Variants in ZNF532 observed in about 807,000 individuals in gnomAD.
ZNF532 encodes zinc finger protein 532.
A neutral mutation model predicts 89.3 loss-of-function variants in ZNF532; 22 were observed. That is an observed-to-expected ratio of 0.25 (90% CI 0.18 to 0.35). The LOEUF (loss-of-function observed/expected upper bound fraction) is 0.35, where lower values mean the gene tolerates loss of function less well. Ranked by LOEUF, ZNF532 falls within the 10% of genes least tolerant of loss-of-function variation. The probability of loss-of-function intolerance (pLI) is 1.00; values close to 1 mark genes in which losing one functional copy is unlikely to be tolerated. For missense variants in ZNF532, 1,132 were observed against 1,643.4 expected (o/e 0.69, Z 5.38); for synonymous variants, 606 against 649.6 (o/e 0.93, Z 1.02).
chr18:58,957,430 TATATAG>T (rs1237330710), intron 7 of ZNF532, among the ~76,000 whole-genome samples: 1 of 143,232 alleles, frequency 7.0e-6, no homozygotes, highest in Non-Finnish European at 1.5e-5. Context: ...TATATATATA[TATATAG>T]AAATAAAATA....
chr18:58,890,590 GC>G (rs2058822440), intron 2 of ZNF532, among the ~76,000 whole-genome samples: 1 of 141,608 alleles, frequency 7.1e-6, no homozygotes, highest in African/African-American at 2.5e-5. Flanking sequence ...ACTAACTGCC[GC>G]CCATTTTTTT....
At chr18:58,939,731 A>G (rs892882132) in intron 5 of ZNF532, 110 bp downstream of exon 5, 63 of 1,011,886 alleles carry the variant, frequency 6.2e-5, no homozygotes, top group Non-Finnish European at 8.8e-5. Context: ...AAAATTATGC[A>G]GCTATGCCAA....
chr18:58,933,956 T>G (rs1264703908), intron 3 of ZNF532, among the ~76,000 whole-genome samples: 2 of 152,248 alleles, frequency 1.3e-5, no homozygotes, highest in Admixed American at 6.5e-5. Flanking sequence ...TTTGCACTCC[T>G]GTATTTCAGA....
At chr18:58,886,279 T>C (rs62095472) in intron 2 of ZNF532, among the ~76,000 whole-genome samples, 35,613 of 152,132 alleles carry the variant, frequency 0.23, 4,603 homozygotes, top group Middle Eastern at 0.42. Context: ...CTGCACCTGG[T>C]CCTTTCATTC....
chr18:58,927,414 G>T (rs1288065672), intron 3 of ZNF532, among the ~76,000 whole-genome samples: 1 of 151,994 alleles, frequency 6.6e-6, no homozygotes, highest in Non-Finnish European at 1.5e-5. Context: ...TCGTTTCTTG[G>T]TGGTCGGCTA....
At chr18:58,888,667 ACT>A (rs1375823131) in intron 2 of ZNF532, among the ~76,000 whole-genome samples, 3 of 123,724 alleles carry the variant, frequency 2.4e-5, no homozygotes, top group Admixed American at 1.0e-4. Context: ...CAAGAGCGAA[ACT>A]CTGTCTCCAA....
Position 58,881,284 on chromosome 18 carries a change from A to G in ZNF532, c.-18+15705A>G, listed in dbSNP as rs146308558. On this transcript the variant is annotated intron_variant, in intron 2 of 9. Transcript: ENST00000591808. ...GTAGCTGGGATTACAGGGGCCTGCC[A>G]CCAAGCCCAGCTAATTTTTTGTATT... 7.2e-3 allele frequency among the ~76,000 whole-genome samples: 1,099 copies of G among 152,050 alleles called. 7 individuals carry two copies. The highest frequency in any genetic ancestry group is 0.025 in the African/African-American group (1,028 of 41,484).
At position 58,974,775 on chromosome 18, in the gene ZNF532, C is replaced by T. The variant is rs535417160; in HGVS notation, c.3151-4280C>T. Among the ~76,000 whole-genome samples the T allele has an allele frequency of 3.3e-5, 5 of 152,350 alleles. No homozygotes were observed. In the South Asian group the frequency reaches 1.0e-3, roughly 32 times the overall value. On this transcript the variant is annotated intron_variant, in intron 7 of 9. Transcript: ENST00000591808. The stretch of plus-strand genomic sequence containing the variant: ...CCCTTCCACTAAGATTGCCCTCCTT[C>T]CCCCACTTCACAGTAACTCACAAGC...
At chr18:58,906,369 T>C (rs558351293) in intron 2 of ZNF532, among the ~76,000 whole-genome samples, 1 of 152,250 alleles carries the variant, frequency 6.6e-6, no homozygotes, top group Non-Finnish European at 1.5e-5. Context: ...GCTCGGATTG[T>C]TCCAGTTTTC....
At chr18:58,902,824 G>A (rs532250722) in intron 2 of ZNF532, among the ~76,000 whole-genome samples, 39 of 152,202 alleles carry the variant, frequency 2.6e-4, no homozygotes, top group African/African-American at 9.4e-4. Flanking sequence ...GATACCTAGA[G>A]TAGGACTGGA....
intron 7 of ZNF532, among the ~76,000 whole-genome samples, chr18:58,955,501 T>C (rs2064676654): frequency 6.6e-6 from 1 of 152,222 alleles, no homozygotes; most frequent in Admixed American, 6.5e-5. Context: ...GTTTTGTAAT[T>C]AGTATACACT....
intron 2 of ZNF532, among the ~76,000 whole-genome samples, chr18:58,910,612 A>T (rs2060218868): frequency 6.6e-6 from 1 of 151,926 alleles, no homozygotes; most frequent in Non-Finnish European, 1.5e-5. Flanking sequence ...GATTACAGGC[A>T]TGCACCACCA....
At chr18:58,982,845 T>C (rs988486522) in intron 9 of ZNF532, among the ~76,000 whole-genome samples, 2 of 152,140 alleles carry the variant, frequency 1.3e-5, no homozygotes, top group Non-Finnish European at 2.9e-5. Flanking sequence ...CAAGGCGTGG[T>C]GGCTCACACC....
At chr18:58,958,168 A>G (rs1287073740) in intron 7 of ZNF532, among the ~76,000 whole-genome samples, 2 of 151,776 alleles carry the variant, frequency 1.3e-5, no homozygotes, top group African/African-American at 2.4e-5. Flanking sequence ...AATTGTCAGT[A>G]TCTACTTTCA....
chr18:58,867,912 C>T (rs1280329137), intron 2 of ZNF532, among the ~76,000 whole-genome samples: 1 of 152,218 alleles, frequency 6.6e-6, no homozygotes, highest in African/African-American at 2.4e-5. Flanking sequence ...TCCCTGCCCC[C>T]ACCCACCTTG....
chr18:58,967,358 C>CCTTTTCCACCTCCTTTT (rs1159472824), intron 7 of ZNF532, among the ~76,000 whole-genome samples: 1 of 152,194 alleles, frequency 6.6e-6, no homozygotes, highest in Admixed American at 6.5e-5. Flanking sequence ...CACCTCTCCT[C>CCTTTTCCACCTCCTTTT]CCCCTGGACC....
intron 3 of ZNF532, chr18:58,926,250 A>G (rs1011822818): frequency 1.3e-5 from 2 of 152,246 alleles, no homozygotes. Context: ...TTATACTGAT[A>G]AGAACAGATA....
At chr18:58,942,189 A>AT (rs1319655692) in intron 5 of ZNF532, among the ~76,000 whole-genome samples, 4 of 150,990 alleles carry the variant, frequency 2.6e-5, no homozygotes, top group Admixed American at 6.6e-5. Context: ...CGCCTGGCTA[A>AT]TTTTTTGTAT....
At chr18:58,934,375 T>C (rs2062196931) in intron 3 of ZNF532, 58 bp from the exon 4 acceptor site, 1 of 1,489,988 alleles carries the variant, frequency 6.7e-7, no homozygotes, top group South Asian at 1.2e-5. Context: ...CCAAGGTTCT[T>C]TGCATATTAG....
Sources: allele counts gnomAD v4.1 joint callset (sites outside exome capture counted in the v4.1 genomes callset), GRCh38; gene constraint gnomAD v4.1.1; transcripts MANE v1.5; gene names NCBI Gene and HGNC (gene_info 2026-07-23, HGNC 2026-07-21).